The following NCK1 variants were observed in gnomAD, a reference collection of about 807,000 sequenced individuals.
NCK1 encodes the protein SH2/SH3 adapter protein NCK1.
NCK1 carries 19 observed loss-of-function variants against 36.6 expected under a neutral mutation model. The observed-to-expected ratio is 0.52, with a 90% CI of 0.36 to 0.76. NCK1 has a LOEUF of 0.76. Ranked by LOEUF, NCK1 falls within the 30% of genes least tolerant of loss-of-function variation. NCK1 has a pLI of 0.00. For missense variants in NCK1, 358 were observed against 445.6 expected (o/e 0.80, Z 1.77); for synonymous variants, 165 against 156.0 (o/e 1.06, Z -0.43).
At chr3:136,871,145 CT>C (rs1467215547) in intron 1 of NCK1, among the ~76,000 whole-genome samples, 1 of 151,402 alleles carries the variant, frequency 6.6e-6, no homozygotes, top group Non-Finnish European at 1.5e-5. Context: ...GCTTGTAATC[CT>C]GCACTTTGGG....
At chr3:136,903,185 C>G (rs1939592906) in intron 1 of NCK1, among the ~76,000 whole-genome samples, 1 of 152,126 alleles carries the variant, frequency 6.6e-6, no homozygotes, top group African/African-American at 2.4e-5. Context: ...GAATTTTTCC[C>G]TTTACCATTA....
chr3:136,900,392 T>C (rs573987471), intron 1 of NCK1, among the ~76,000 whole-genome samples: 1 of 152,338 alleles, frequency 6.6e-6, no homozygotes, highest in Admixed American at 6.5e-5. Flanking sequence ...TTGCTTAAGA[T>C]TGTTTTGGTT....
intron 1 of NCK1, among the ~76,000 whole-genome samples, chr3:136,886,153 A>T (rs1939067947): frequency 6.6e-6 from 1 of 152,208 alleles, no homozygotes; most frequent in African/African-American, 2.4e-5. Context: ...AGCATGGGTT[A>T]ATAAAATTGT....
chr3:136,899,268 G>A (rs563815575), intron 1 of NCK1: 6 of 252,410 alleles, frequency 2.4e-5, no homozygotes, highest in Admixed American at 4.3e-5. Flanking sequence ...TTTCCTAGTG[G>A]CATCTGAAGA....
chr3:136,918,141 G>T (rs1050931705), intron 1 of NCK1, among the ~76,000 whole-genome samples: 1 of 152,142 alleles, frequency 6.6e-6, no homozygotes, highest in Non-Finnish European at 1.5e-5. Flanking sequence ...GAAAAGATGG[G>T]TGGTTTTATT....
At chr3:136,872,500 C>A (rs768660181) in intron 1 of NCK1, among the ~76,000 whole-genome samples, 2 of 152,106 alleles carry the variant, frequency 1.3e-5, no homozygotes, top group African/African-American at 4.8e-5. Flanking sequence ...AGCTTGACAG[C>A]GTGATAGAAA....
chr3:136,883,190 G>T (rs1419774361), intron 1 of NCK1, among the ~76,000 whole-genome samples: 1 of 152,136 alleles, frequency 6.6e-6, no homozygotes, highest in Non-Finnish European at 1.5e-5. Context: ...CAAAGTGCTG[G>T]GATTACAGGC....
At chr3:136,919,761 A>G (rs1940058715) in intron 1 of NCK1, among the ~76,000 whole-genome samples, 1 of 152,186 alleles carries the variant, frequency 6.6e-6, no homozygotes, top group Non-Finnish European at 1.5e-5. Flanking sequence ...GGCTGTGTAT[A>G]TAGGTCATGA....
chr3:136,862,544 G>T (rs1938255183), intron 1 of NCK1, among the ~76,000 whole-genome samples, 191 bp downstream of exon 1: 1 of 152,256 alleles, frequency 6.6e-6, no homozygotes, highest in African/African-American at 2.4e-5. Flanking sequence ...CTTCTGCACC[G>T]GGATTCCGCG....
intron 1 of NCK1, among the ~76,000 whole-genome samples, chr3:136,927,343 G>C (rs1245300372): frequency 1.3e-5 from 2 of 152,206 alleles, no homozygotes; most frequent in Non-Finnish European, 2.9e-5. Flanking sequence ...GGTTTGTCAA[G>C]ATCTCCTTGT....
chr3:136,933,116 T>C (rs1428299515), intron 2 of NCK1, among the ~76,000 whole-genome samples: 1 of 152,186 alleles, frequency 6.6e-6, no homozygotes, highest in African/African-American at 2.4e-5. Flanking sequence ...CTTACATGAG[T>C]AAAAAACTTA....
chr3:136,935,909 A>G (rs959350881), intron 2 of NCK1, among the ~76,000 whole-genome samples: 5 of 152,112 alleles, frequency 3.3e-5, no homozygotes, highest in Non-Finnish European at 7.4e-5. Context: ...TATTCTGGAT[A>G]ATTTATATAA....
chr3:136,925,725 T>C (rs1158777135), intron 1 of NCK1, among the ~76,000 whole-genome samples: 1 of 152,198 alleles, frequency 6.6e-6, no homozygotes, highest in African/African-American at 2.4e-5. Flanking sequence ...TACCAGTTTG[T>C]TTAATTATTT....
At chr3:136,927,913 G>T in intron 1 of NCK1, 71 bp from the exon 2 acceptor site, 1 of 1,074,580 alleles carries the variant, frequency 9.3e-7, no homozygotes, top group Non-Finnish European at 1.4e-6. Flanking sequence ...TTTTAGGTGT[G>T]TCTCTTTTGA....
At chr3:136,892,112 T>C (rs1053318501) in intron 1 of NCK1, among the ~76,000 whole-genome samples, 2 of 152,168 alleles carry the variant, frequency 1.3e-5, no homozygotes, top group African/African-American at 4.8e-5. Context: ...GGTCTTGAAC[T>C]TTTAGCCTCA....
intron 2 of NCK1, among the ~76,000 whole-genome samples, chr3:136,938,107 T>C (rs774443465): frequency 8.5e-5 from 13 of 152,194 alleles, no homozygotes; most frequent in Admixed American, 6.5e-5. Context: ...AGCATTGTTA[T>C]CATGAAACGG....
chr3:136,891,664 A>G (rs1939248384), intron 1 of NCK1, among the ~76,000 whole-genome samples: 1 of 152,206 alleles, frequency 6.6e-6, no homozygotes. Context: ...GCAGTGCACA[A>G]GGGTTCTAAT....
chr3:136,909,895 C>A (rs1454537602), intron 1 of NCK1, among the ~76,000 whole-genome samples: 1 of 152,174 alleles, frequency 6.6e-6, no homozygotes, highest in Non-Finnish European at 1.5e-5. Flanking sequence ...CAGCCCACCT[C>A]ACTTCTCTTA....
chr3:136,910,747 C>G (rs1200289901), intron 1 of NCK1, among the ~76,000 whole-genome samples: 1 of 152,178 alleles, frequency 6.6e-6, no homozygotes, highest in African/African-American at 2.4e-5. Flanking sequence ...AGCTAATTAA[C>G]ATATCCATAA....
Sources: allele counts gnomAD v4.1 joint callset (sites outside exome capture counted in the v4.1 genomes callset), GRCh38; gene constraint gnomAD v4.1.1; transcripts MANE v1.5; gene names NCBI Gene and HGNC (gene_info 2026-07-23, HGNC 2026-07-21).